The following MAST2 variants were observed in gnomAD, a reference collection of about 807,000 sequenced individuals.
The protein encoded by MAST2 is microtubule associated serine/threonine kinase 2.
A neutral mutation model predicts 147.4 loss-of-function variants in MAST2; 70 were observed. The observed-to-expected ratio is 0.47, with a 90% CI of 0.39 to 0.58. MAST2 has a LOEUF of 0.58. Among genes scored for constraint, MAST2 ranks in the 20% least tolerant of loss-of-function variants. The pLI is 0.00. For missense variants in MAST2, 2,080 were observed against 2,302.3 expected, an observed-to-expected ratio of 0.90 and a Z score of 1.98; for synonymous variants, 869 against 896.8, an observed-to-expected ratio of 0.97 and a Z score of 0.55.
intron 1 of MAST2, among the ~76,000 whole-genome samples, chr1:45,815,551 G>A (rs1557797553): frequency 6.6e-6 from 1 of 152,056 alleles, no homozygotes; most frequent in Non-Finnish European, 1.5e-5. Flanking sequence ...TTTTTTTAAA[G>A]TCCTTAAGTT....
chr1:45,886,965 C>T (rs1647120731), intron 4 of MAST2, among the ~76,000 whole-genome samples: 1 of 152,138 alleles, frequency 6.6e-6, no homozygotes, highest in Non-Finnish European at 1.5e-5. Context: ...GTAGCTGGCA[C>T]CACAGGCACC....
In MAST2 at chr1:46,030,639, C is replaced by T. The variant is rs773091039; in HGVS notation, c.2586C>T (p.Leu862=). Residue 862 remains leucine, a synonymous_variant, in exon 22 of 29, where the codon CTC becomes CTT. Coordinates refer to ENST00000361297, the MANE Select transcript of MAST2 (RefSeq NM_015112.3). ...VYSSMERLSL[L]EERRTPPPTK... is the part of the protein sequence containing the mutation. ...GCAGCATGGAGCGGCTCTCACTGCT[C>T]GAGGAGCGCCGGACACCACCCCCGA... 41 of 1,610,966 alleles carry T rather than the reference C, an allele frequency of 2.5e-5. No homozygotes were observed. Among genetic ancestry groups the T allele is most frequent in the Non-Finnish European group, 3.3e-5 (39 of 1,179,106 alleles).
chr1:45,906,693 TTA>T (rs770153153), intron 4 of MAST2, among the ~76,000 whole-genome samples: 5 of 149,262 alleles, frequency 3.3e-5, no homozygotes, highest in African/African-American at 7.3e-5. Context: ...AATAATTATA[TTA>T]TATGTTTATA....
intron 4 of MAST2, among the ~76,000 whole-genome samples, chr1:45,894,906 A>G (rs1309455838): frequency 2.6e-5 from 4 of 152,188 alleles, no homozygotes; most frequent in African/African-American, 9.6e-5. Flanking sequence ...TCCATTTTCA[A>G]TACTGTAATT....
chr1:45,948,706 C>CAAAAAAAAA (rs34012353), intron 4 of MAST2, among the ~76,000 whole-genome samples: 15 of 40,256 alleles, frequency 3.7e-4, no homozygotes, highest in South Asian at 2.1e-3. Flanking sequence ...GACTCCATCT[C>CAAAAAAAAA]AAAAAAAAAA....
At chr1:46,030,018 C>G in intron 20 of MAST2, 65 bp downstream of exon 20, 1 of 1,608,292 alleles carries the variant, frequency 6.2e-7, no homozygotes, top group South Asian at 1.1e-5. Context: ...CACCTGTGCA[C>G]ACTGAAATTG....
At chr1:45,884,809 T>G (rs555641270) in intron 4 of MAST2, among the ~76,000 whole-genome samples, 34 of 152,298 alleles carry the variant, frequency 2.2e-4, no homozygotes, top group Non-Finnish European at 3.2e-4. Flanking sequence ...TAACAAATTA[T>G]GTGTGGCTTT....
chr1:46,029,290 C>T, intron 18 of MAST2, 176 bp from the exon 19 acceptor site: 1 of 571,386 alleles, frequency 1.8e-6, no homozygotes, highest in South Asian at 2.6e-5. Flanking sequence ...GATCAAAGAT[C>T]AAGCTATGGT....
At position 46,034,813 on chromosome 1, in the gene MAST2, C is replaced by T; in HGVS notation, c.4144C>T (p.Pro1382Ser). The change falls in exon 29 of 29, where the codon CCT becomes TCT. Residue 1382 changes from proline (P) to serine (S), a missense_variant. Physicochemically the swap from Pro to Ser is moderately conservative, Grantham distance 74. This residue lies in a region of MAST2 where 1,278 missense variants were observed against 1,304.2 expected (regional missense o/e 0.98). Coordinates refer to ENST00000361297, the MANE Select transcript of MAST2 (RefSeq NM_015112.3). ...CTTTCCCACAAAGCTTCACTTGTCA[C>T]CTCCCCTGGGCAGGCAACTCTCACG... ...QAFPTKLHLSPPLGRQLSRPK... is the reference protein window; with the variant it reads ...QAFPTKLHLSSPLGRQLSRPK... The T allele has an allele frequency of 1.2e-6, 2 of 1,614,158 alleles. No individual in the cohort carries two copies.
intron 5 of MAST2, among the ~76,000 whole-genome samples, chr1:45,972,901 C>T (rs1458294946): frequency 6.6e-6 from 1 of 152,202 alleles, no homozygotes; most frequent in Admixed American, 6.5e-5. Flanking sequence ...TATCTGCAGA[C>T]TACTCAAGTG....
Position 46,025,686 on chromosome 1 carries a change from G to A in MAST2, c.1790G>A (p.Cys597Tyr). 1.2e-6 allele frequency: 2 copies of A among 1,614,146 alleles called. No individual in the cohort carries two copies. Among genetic ancestry groups the A allele is most frequent in the Non-Finnish European group, 1.7e-6 (2 of 1,180,034 alleles). Reference sequence around the variant, plus strand: ...CCTGGGCTTGTTGCAGGGGGAGACTGTGCCACTCTGCTGAAGAATATTGGG... The same window carrying A: ...CCTGGGCTTGTTGCAGGGGGAGACTATGCCACTCTGCTGAAGAATATTGGG... ...MVMEYVEGGD[C>Y]ATLLKNIGAL... Residue 597 changes from cysteine to tyrosine, a missense_variant, in exon 16 of 29, where the codon TGT becomes TAT. Physicochemically the swap from Cys to Tyr is radical, Grantham distance 194. Around this residue, in one of 4 missense-constraint regions of MAST2, gnomAD observed 209 missense variants for 309.5 expected, o/e 0.68. Coordinates refer to ENST00000361297, the MANE Select transcript of MAST2 (RefSeq NM_015112.3).
rs375721576 is a variant in MAST2 at position 45,959,960 on chromosome 1, G to A, written c.592+483G>A. On this transcript the variant is annotated intron_variant, in intron 5 of 28. Transcript: ENST00000361297. ...TGTTTGTTTGTTTTTAAATAGAAAC[G>A]AGGTCTCTCTATGTTGCCCAGGCTG... Among the ~76,000 whole-genome samples the A allele has an allele frequency of 8.5e-5, 13 of 152,254 alleles. 1 individual carries two copies. The South Asian group carries it at 1.0e-3, about 12-fold the overall frequency.
intron 1 of MAST2, among the ~76,000 whole-genome samples, chr1:45,815,247 G>C (rs1644418123): frequency 6.7e-6 from 1 of 148,696 alleles, no homozygotes; most frequent in African/African-American, 2.5e-5. Context: ...TCGGTTCACT[G>C]CAACCTCTGC....
chr1:46,016,678 C>A (rs1015863496), intron 10 of MAST2, among the ~76,000 whole-genome samples: 11 of 151,942 alleles, frequency 7.2e-5, no homozygotes, highest in Non-Finnish European at 1.3e-4. Context: ...AAATAGGATA[C>A]AAACAAATGG....
At chr1:45,982,642 A>G (rs1644456655) in intron 5 of MAST2, among the ~76,000 whole-genome samples, 1 of 152,102 alleles carries the variant, frequency 6.6e-6, no homozygotes, top group Non-Finnish European at 1.5e-5. Context: ...TTATAATAAA[A>G]CTGTAATAAT....
rs565608909 is a variant in MAST2 at position 45,925,014 on chromosome 1, G to C, written c.501-34372G>C. On this transcript the variant is annotated intron_variant, in intron 4 of 28. Coordinates refer to ENST00000361297, the MANE Select transcript of MAST2 (RefSeq NM_015112.3). The stretch of plus-strand genomic sequence containing the variant: ...CACCCAGTTTGTGATACTTGGTTAT[G>C]TATGGCAACCCTAGTAAACCAACAC... Among the ~76,000 whole-genome samples, 5 of 152,356 alleles carry C rather than the reference G, an allele frequency of 3.3e-5. No homozygotes were observed. The East Asian group carries it at 9.6e-4, about 29-fold the overall frequency.
Position 46,010,880 on chromosome 1 carries a change from C to G in MAST2, c.1129C>G (p.Leu377Val), listed in dbSNP as rs979912914. The change falls in exon 10 of 29, where the codon CTC becomes GTC. Residue 377 changes from leucine (L) to valine (V), a missense_variant. Physicochemically the swap from Leu to Val is conservative, Grantham distance 32 (BLOSUM62 1). Transcript: ENST00000361297. ...CTGCCTGGATAAATCTCGGAGTGGC[C>G]TCATTACATCACAATACTTCTACGA... is the stretch of plus-strand genomic sequence containing the variant. ...RDCLDKSRSG[L>V]ITSQYFYELQ... is the part of the protein sequence containing the mutation. 13 of 1,614,078 alleles carry G rather than the reference C, an allele frequency of 8.1e-6. No individual in the cohort carries two copies. Among genetic ancestry groups the G allele is most frequent in the Non-Finnish European group, 1.1e-5 (13 of 1,180,048 alleles).
intron 3 of MAST2, among the ~76,000 whole-genome samples, chr1:45,852,513 C>T (rs4457512): frequency 0.45 from 67,252 of 150,470 alleles, 15,226 homozygotes; most frequent in East Asian, 0.62. Flanking sequence ...AGGCACAAGC[C>T]ACCATGCCTG....
intron 4 of MAST2, among the ~76,000 whole-genome samples, chr1:45,912,419 TTTCTA>T (rs775689634): frequency 6.6e-6 from 1 of 152,238 alleles, no homozygotes; most frequent in African/African-American, 2.4e-5. Context: ...AATATTTTCT[TTTCTA>T]TTCTATTTCA....
Sources: gnomAD v4.1 joint callset for allele counts (sites outside exome capture counted in the v4.1 genomes callset) on GRCh38, gnomAD v4.1.1 for gene constraint, gnomAD v4.1.1 regional missense constraint, MANE v1.5 for transcripts, NCBI Gene and HGNC (gene_info 2026-07-23, HGNC 2026-07-21) for gene names.